The following VSNL1 variants were observed in gnomAD, a reference collection of about 807,000 sequenced individuals.
The protein encoded by VSNL1 is visinin like 1.
A neutral mutation model predicts 20.4 loss-of-function variants in VSNL1; 6 were observed. That is an observed-to-expected ratio of 0.29 (90% confidence interval 0.16 to 0.58). VSNL1 has a LOEUF of 0.58. VSNL1 is among the 20% of genes least tolerant of loss of function. VSNL1 has a pLI of 0.90. For synonymous variants in VSNL1, 93 were observed against 86.4 expected, an observed-to-expected ratio of 1.08 and a Z score of -0.42; for missense variants, 100 against 234.5, an observed-to-expected ratio of 0.43 and a Z score of 3.75.
chr2:17,652,570 G>C (rs1239342238), intron 3 of VSNL1, among the ~76,000 whole-genome samples: 1 of 152,206 alleles, frequency 6.6e-6, no homozygotes, highest in African/African-American at 2.4e-5. Flanking sequence ...GAAAACTCTT[G>C]CCAGAAGCTT....
intron 2 of VSNL1, among the ~76,000 whole-genome samples, chr2:17,596,632 G>A (rs1664716252): frequency 6.6e-6 from 1 of 152,128 alleles, no homozygotes; most frequent in African/African-American, 2.4e-5. Flanking sequence ...CCTGCAAAGA[G>A]CCCTAAGTGG....
intron 2 of VSNL1, among the ~76,000 whole-genome samples, chr2:17,596,114 C>T (rs1299085518): frequency 3.3e-5 from 5 of 152,284 alleles, no homozygotes; most frequent in Non-Finnish European, 5.9e-5. Flanking sequence ...GCAGCCTGAG[C>T]AAATGAATAT....
At chr2:17,624,091 G>A (rs530311824) in intron 2 of VSNL1, among the ~76,000 whole-genome samples, 106 of 152,334 alleles carry the variant, frequency 7.0e-4, no homozygotes, top group African/African-American at 2.5e-3. Context: ...GACTAAAGGA[G>A]CAGATCAGGA....
At chr2:17,606,036 C>G (rs140284982) in intron 2 of VSNL1, among the ~76,000 whole-genome samples, 5 of 152,226 alleles carry the variant, frequency 3.3e-5, no homozygotes, top group Non-Finnish European at 7.4e-5. Context: ...TATTATTTGC[C>G]CCATTTTACA....
At chr2:17,621,355 C>T (rs1409439182) in intron 2 of VSNL1, among the ~76,000 whole-genome samples, 1 of 150,654 alleles carries the variant, frequency 6.6e-6, no homozygotes, top group Non-Finnish European at 1.5e-5. Flanking sequence ...CACAGTCTCA[C>T]TCTGTCACCC....
intron 1 of VSNL1, among the ~76,000 whole-genome samples, chr2:17,575,907 C>G (rs1014488558): frequency 1.3e-5 from 2 of 152,154 alleles, no homozygotes; most frequent in Non-Finnish European, 2.9e-5. Flanking sequence ...TAAGAGATCT[C>G]TATTTAACAT....
chr2:17,545,136 A>G (rs1237055852), intron 1 of VSNL1, among the ~76,000 whole-genome samples: 3 of 152,150 alleles, frequency 2.0e-5, no homozygotes, highest in African/African-American at 7.2e-5. Flanking sequence ...AATATTTGTC[A>G]ATTAAATATT....
At chr2:17,541,875 C>A (rs1339292635) in intron 1 of VSNL1, among the ~76,000 whole-genome samples, 4 of 152,132 alleles carry the variant, frequency 2.6e-5, no homozygotes, top group Non-Finnish European at 5.9e-5. Flanking sequence ...GCTGATGCTC[C>A]CTGCATGGTG....
chr2:17,604,169 G>A (rs1664893979), intron 2 of VSNL1, among the ~76,000 whole-genome samples: 1 of 152,242 alleles, frequency 6.6e-6, no homozygotes, highest in Admixed American at 6.5e-5. Flanking sequence ...GGCAGAGGGT[G>A]TGGTGCAGGA....
chr2:17,602,773 A>T (rs537102145), intron 2 of VSNL1, among the ~76,000 whole-genome samples: 9 of 146,856 alleles, frequency 6.1e-5, no homozygotes, highest in East Asian at 2.0e-4. Context: ...TAAAATAAAA[A>T]AATAAAATAA....
Position 17,649,389 on chromosome 2 carries a change from T to C in VSNL1, c.163-21T>C. The C allele has an allele frequency of 6.2e-7, 1 of 1,613,380 alleles. No individual in the cohort carries two copies. Among genetic ancestry groups the C allele is most frequent in the Non-Finnish European group, 8.5e-7 (1 of 1,179,294 alleles). On this transcript the variant is annotated intron_variant, in intron 2 of 3. Coordinates refer to ENST00000295156, the MANE Select transcript of VSNL1 (RefSeq NM_003385.5). The surrounding 1 kb of genome is among the most constrained non-coding windows in gnomAD (Gnocchi z 6.4). ...ATTCCATCCCCTCCCGACACCTGAC[T>C]GCGCGTGTTCTCCTTTGCAGTTCTT...
Position 17,577,177 on chromosome 2 carries a change from C to T in VSNL1, c.-5-14893C>T, listed in dbSNP as rs115357199. Among the ~76,000 whole-genome samples, 1,379 of 152,304 alleles carry T rather than the reference C, an allele frequency of 9.1e-3. 29 individuals are homozygous for T. Among genetic ancestry groups the T allele is most frequent in the African/African-American group, 0.031 (1,301 of 41,552 alleles). ...TATTATACTTTTATGGGACCACCATCATATATATAGTCCATTGTTGAGTGA... is the reference window on the plus strand; with the variant it reads ...TATTATACTTTTATGGGACCACCATTATATATATAGTCCATTGTTGAGTGA... On this transcript the variant is annotated intron_variant, in intron 1 of 3. Coordinates refer to ENST00000295156, the MANE Select transcript of VSNL1 (RefSeq NM_003385.5).
chr2:17,584,006 G>A (rs537830086), intron 1 of VSNL1, among the ~76,000 whole-genome samples: 2 of 152,230 alleles, frequency 1.3e-5, no homozygotes, highest in South Asian at 4.1e-4. Flanking sequence ...AAAAAAGTCA[G>A]CATTATCTCA....
At chr2:17,560,305 G>A (rs1223415061) in intron 1 of VSNL1, among the ~76,000 whole-genome samples, 1 of 151,736 alleles carries the variant, frequency 6.6e-6, no homozygotes, top group Non-Finnish European at 1.5e-5. Context: ...CTGGAAGGCT[G>A]CATTCTCAAG....
intron 3 of VSNL1, among the ~76,000 whole-genome samples, chr2:17,652,446 A>C (rs1265333392): frequency 6.6e-6 from 1 of 152,230 alleles, no homozygotes; most frequent in Non-Finnish European, 1.5e-5. Flanking sequence ...GGAATTGGAA[A>C]CCTGGAGGCC....
At chr2:17,584,478 C>A (rs1168742298) in intron 1 of VSNL1, among the ~76,000 whole-genome samples, 1 of 152,112 alleles carries the variant, frequency 6.6e-6, no homozygotes, top group Non-Finnish European at 1.5e-5. Context: ...GGACATCTGG[C>A]CCCCAAGTTT....
At chr2:17,621,926 G>T (rs564095861) in intron 2 of VSNL1, among the ~76,000 whole-genome samples, 1 of 152,242 alleles carries the variant, frequency 6.6e-6, no homozygotes, top group Non-Finnish European at 1.5e-5. Context: ...ACCGCACCCA[G>T]CCAAAACTAA....
In VSNL1 at chr2:17,641,808, A is replaced by G. The variant is rs181530037; in HGVS notation, c.163-7602A>G. Among the ~76,000 whole-genome samples the G allele has an allele frequency of 2.3e-4, 35 of 152,326 alleles. 1 individual carries two copies. In the East Asian group the frequency reaches 5.2e-3, roughly 23 times the overall value. ...TATAGACATAGACTTATGCATAGAC[A>G]TAGGGATAGAGATAGAAATATGAGA... On this transcript the variant is annotated intron_variant, in intron 2 of 3. Coordinates refer to ENST00000295156, the MANE Select transcript of VSNL1 (RefSeq NM_003385.5).
intron 2 of VSNL1, among the ~76,000 whole-genome samples, chr2:17,606,432 C>T (rs1319314337): frequency 6.6e-6 from 1 of 152,176 alleles, no homozygotes; most frequent in Non-Finnish European, 1.5e-5. Context: ...GGATGATGAC[C>T]TGCTTCACCT....
Sources: allele counts gnomAD v4.1 joint callset (sites outside exome capture counted in the v4.1 genomes callset), GRCh38; gene constraint gnomAD v4.1.1; non-coding constraint Gnocchi (gnomAD v3.1); transcripts MANE v1.5; gene names NCBI Gene and HGNC (gene_info 2026-07-23, HGNC 2026-07-21).